The following EXOC6 variants were observed in gnomAD, a reference collection of about 807,000 sequenced individuals.
EXOC6 encodes the protein SEC15-like 1.
In EXOC6, 60 loss-of-function variants were observed where a neutral mutation model predicts 112.5. The observed-to-expected ratio is 0.53, with a 90% confidence interval of 0.43 to 0.66. The LOEUF (loss-of-function observed/expected upper bound fraction) is 0.66. Among genes scored for constraint, EXOC6 ranks in the 30% least tolerant of loss-of-function variants. The probability of loss-of-function intolerance (pLI) is 0.00; values close to 1 mark genes in which losing one functional copy is unlikely to be tolerated. For synonymous variants in EXOC6, 295 were observed against 308.0 expected, an observed-to-expected ratio of 0.96 and a Z score of 0.44; for missense variants, 855 against 957.1, an observed-to-expected ratio of 0.89 and a Z score of 1.41.
intron 18 of EXOC6, among the ~76,000 whole-genome samples, chr10:92,974,796 A>G (rs2134091823): frequency 6.6e-6 from 1 of 152,214 alleles, no homozygotes; most frequent in Non-Finnish European, 1.5e-5. Flanking sequence ...TCCAGCTCCT[A>G]ACCGCGAGTG....
chr10:92,995,583 A>G (rs1236630624), intron 18 of EXOC6, among the ~76,000 whole-genome samples: 1 of 152,186 alleles, frequency 6.6e-6, no homozygotes, highest in African/African-American at 2.4e-5. Context: ...GAAGCCTATT[A>G]CATTGTAATT....
At chr10:92,934,558 A>G in intron 11 of EXOC6, 128 bp downstream of exon 11, 1 of 771,700 alleles carries the variant, frequency 1.3e-6, no homozygotes, top group Non-Finnish European at 1.9e-6. Context: ...TTAGATTTGG[A>G]AGTAGTAATG....
chr10:92,964,973 T>C (rs1841984481), intron 17 of EXOC6, among the ~76,000 whole-genome samples: 1 of 152,098 alleles, frequency 6.6e-6, no homozygotes, highest in African/African-American at 2.4e-5. Context: ...AGAGAAACTG[T>C]CTCCCTCCAC....
intron 20 of EXOC6, among the ~76,000 whole-genome samples, chr10:93,026,374 T>C (rs763975483): frequency 8.5e-5 from 13 of 152,328 alleles, no homozygotes; most frequent in East Asian, 1.9e-4. Context: ...CTAGCTGTTC[T>C]GCATCCCTGT....
chr10:92,853,865 A>G (rs1847467601), intron 1 of EXOC6, among the ~76,000 whole-genome samples: 1 of 152,144 alleles, frequency 6.6e-6, no homozygotes, highest in African/African-American at 2.4e-5. Context: ...CATAATACAT[A>G]AGAGAAAAAA....
chr10:92,834,840 AT>A (rs773412475), intron 1 of EXOC6: 7 of 1,507,464 alleles, frequency 4.6e-6, no homozygotes, highest in Non-Finnish European at 6.4e-6. Context: ...GCACCGTTGC[AT>A]TTTATTGTGT....
chr10:93,036,664 A>G (rs1010830472), intron 20 of EXOC6, among the ~76,000 whole-genome samples: 2 of 152,220 alleles, frequency 1.3e-5, no homozygotes, highest in African/African-American at 4.8e-5. Context: ...AAAAAAGTAT[A>G]TAAATCAGAA....
chr10:92,996,876 G>C (rs902361862), intron 18 of EXOC6, among the ~76,000 whole-genome samples: 2 of 152,134 alleles, frequency 1.3e-5, no homozygotes, highest in Non-Finnish European at 2.9e-5. Context: ...ATGCACATCT[G>C]TAGATAATCT....
chr10:92,975,912 G>T (rs190487941), intron 18 of EXOC6, among the ~76,000 whole-genome samples: 1 of 69,292 alleles, frequency 1.4e-5, no homozygotes. Context: ...CCGTCCGGGA[G>T]GGAGGTGGGG....
chr10:92,908,486 G>A (rs1422060733), intron 5 of EXOC6, among the ~76,000 whole-genome samples: 1 of 152,000 alleles, frequency 6.6e-6, no homozygotes, highest in Non-Finnish European at 1.5e-5. Context: ...AGAAAGATAT[G>A]GAATACTATG....
chr10:92,954,515 G>A (rs1388640608), intron 15 of EXOC6, 115 bp from the exon 16 acceptor site: 1 of 514,148 alleles, frequency 1.9e-6, no homozygotes, highest in African/African-American at 2.0e-5. Flanking sequence ...TTTATTTAAA[G>A]ATATAAAATA....
At chr10:92,996,381 G>T (rs1268341391) in intron 18 of EXOC6, among the ~76,000 whole-genome samples, 1 of 152,082 alleles carries the variant, frequency 6.6e-6, no homozygotes, top group Middle Eastern at 3.2e-3. Flanking sequence ...TTATCTTTGG[G>T]AGGCCAAGGC....
intron 20 of EXOC6, 104 bp from the exon 21 acceptor site, chr10:93,056,820 T>G: frequency 1.5e-6 from 1 of 664,740 alleles, no homozygotes; most frequent in Non-Finnish European, 2.6e-6. Flanking sequence ...CTGTTCCATC[T>G]AAGAAGCAAG....
At chr10:92,975,408 G>A (rs1171534430) in intron 18 of EXOC6, among the ~76,000 whole-genome samples, 1 of 149,306 alleles carries the variant, frequency 6.7e-6, no homozygotes, top group African/African-American at 2.5e-5. Flanking sequence ...CCCTCCGCCC[G>A]GCAGCCACCC....
At chr10:93,045,261 C>T (rs1845956065) in intron 20 of EXOC6, among the ~76,000 whole-genome samples, 1 of 152,136 alleles carries the variant, frequency 6.6e-6, no homozygotes, top group Non-Finnish European at 1.5e-5. Flanking sequence ...ATTTGACTTC[C>T]TAAAATTTTA....
In EXOC6 at chr10:92,917,426, GAA is replaced by G. The variant is rs11393322; in HGVS notation, c.819+1523_819+1524del. Among the ~76,000 whole-genome samples, 181 of 147,098 alleles carry G rather than the reference GAA, an allele frequency of 1.2e-3. 1 individual carries two copies. The highest frequency in any genetic ancestry group is 7.1e-3 in the Middle Eastern group (2 of 280). ...CTCTACTATGATTAGTCTTTTAATG[GAA>G]AAAAAAAAAGTTCTAGTAAGTCTAG... On this transcript the variant is annotated intron_variant, in intron 7 of 21. Coordinates refer to ENST00000260762, the MANE Select transcript of EXOC6 (RefSeq NM_019053.6).
At chr10:92,902,062 C>T (rs976617023) in intron 5 of EXOC6, among the ~76,000 whole-genome samples, 3 of 151,302 alleles carry the variant, frequency 2.0e-5, no homozygotes, top group African/African-American at 7.3e-5. Flanking sequence ...GCTAGGTGGA[C>T]TTATTACACA....
At chr10:92,958,193 G>A (rs1020259546) in intron 17 of EXOC6, among the ~76,000 whole-genome samples, 2 of 152,114 alleles carry the variant, frequency 1.3e-5, no homozygotes, top group Admixed American at 6.5e-5. Context: ...TCAGCTTTTT[G>A]AAAGTAACTC....
intron 19 of EXOC6, among the ~76,000 whole-genome samples, chr10:92,998,095 C>A (rs1024759382): frequency 6.6e-6 from 1 of 152,004 alleles, no homozygotes; most frequent in African/African-American, 2.4e-5. Flanking sequence ...TTGTTTTTCA[C>A]TTTATTTTTT....
Sources: gnomAD v4.1 joint callset for allele counts (sites outside exome capture counted in the v4.1 genomes callset) on GRCh38, gnomAD v4.1.1 for gene constraint, MANE v1.5 for transcripts, NCBI Gene and HGNC (gene_info 2026-07-23, HGNC 2026-07-21) for gene names.